Variants in MYO3A observed in about 807,000 individuals in gnomAD.
The protein encoded by MYO3A is myosin-IIIa.
MYO3A carries 180 observed loss-of-function variants against 192.7 expected under a neutral mutation model. That is an observed-to-expected ratio of 0.93 (90% CI 0.83 to 1.06). The LOEUF is 1.06. Ranked by LOEUF, MYO3A falls within the 50% of genes least tolerant of loss-of-function variation. The pLI is 0.00. For synonymous variants in MYO3A, 628 were observed against 645.3 expected, an observed-to-expected ratio of 0.97 and a Z score of 0.41; for missense variants, 1,896 against 1,905.0, an observed-to-expected ratio of 1.00 and a Z score of 0.09.
At chr10:26,084,124 C>T (rs1171596495) in intron 14 of MYO3A, among the ~76,000 whole-genome samples, 2 of 152,146 alleles carry the variant, frequency 1.3e-5, no homozygotes, top group African/African-American at 2.4e-5. Flanking sequence ...TTGAATACAG[C>T]TTCCACTTTT....
chr10:26,002,041 A>AT (rs1344407889), intron 6 of MYO3A, among the ~76,000 whole-genome samples: 15 of 152,150 alleles, frequency 9.9e-5, no homozygotes, highest in African/African-American at 3.4e-4. Context: ...GAGAGACTGA[A>AT]CCCTATCTAA....
At chr10:26,070,446 A>G in intron 14 of MYO3A, 45 bp downstream of exon 14, 2 of 1,492,828 alleles carry the variant, frequency 1.3e-6, no homozygotes, top group Non-Finnish European at 1.9e-6. Flanking sequence ...TATTTGTTGA[A>G]TTTCATAACT....
At chr10:26,081,140 C>CCCTT (rs1835918977) in intron 14 of MYO3A, among the ~76,000 whole-genome samples, 1 of 101,794 alleles carries the variant, frequency 9.8e-6, no homozygotes, top group African/African-American at 3.3e-5. Context: ...CCTTCCCCCC[C>CCCTT]CCCCCGCCCC....
chr10:26,163,373 A>G (rs771972883), intron 26 of MYO3A, among the ~76,000 whole-genome samples: 1 of 152,206 alleles, frequency 6.6e-6, no homozygotes, highest in Non-Finnish European at 1.5e-5. Context: ...TTAAAAAAAG[A>G]TAATTCAGAC....
chr10:25,991,125 A>G (rs1213375748), intron 4 of MYO3A, among the ~76,000 whole-genome samples: 1 of 152,038 alleles, frequency 6.6e-6, no homozygotes, highest in East Asian at 1.9e-4. Context: ...TTACAGTCCC[A>G]CCAACAGTGT....
chr10:26,036,912 C>T (rs76211326), intron 10 of MYO3A, among the ~76,000 whole-genome samples: 3,041 of 152,262 alleles, frequency 0.02, 93 homozygotes, highest in African/African-American at 0.068. Context: ...GAAACCTTTC[C>T]CAGAAGTTAC....
At chr10:25,991,251 C>T (rs1349848522) in intron 4 of MYO3A, among the ~76,000 whole-genome samples, 1 of 152,220 alleles carries the variant, frequency 6.6e-6, no homozygotes, top group African/African-American at 2.4e-5. Flanking sequence ...GTTTGCATTT[C>T]TCTAATGGCC....
chr10:26,074,441 A>C (rs1047741569), intron 14 of MYO3A, among the ~76,000 whole-genome samples: 1 of 151,834 alleles, frequency 6.6e-6, no homozygotes, highest in Non-Finnish European at 1.5e-5. Context: ...TGCCACACTT[A>C]TACTATACTA....
chr10:26,093,627 C>T (rs1225460118), intron 15 of MYO3A, among the ~76,000 whole-genome samples: 1 of 152,194 alleles, frequency 6.6e-6, no homozygotes, highest in Non-Finnish European at 1.5e-5. Flanking sequence ...CATCCAGTCT[C>T]ACATTGTATA....
At chr10:26,042,128 AC>A (rs1843384536) in intron 10 of MYO3A, among the ~76,000 whole-genome samples, 1 of 152,146 alleles carries the variant, frequency 6.6e-6, no homozygotes, top group Non-Finnish European at 1.5e-5. Context: ...TCAGCACTTT[AC>A]ATATGTCATG....
intron 26 of MYO3A, among the ~76,000 whole-genome samples, chr10:26,162,402 T>G (rs1277648570): frequency 1.3e-5 from 2 of 152,252 alleles, no homozygotes; most frequent in African/African-American, 4.8e-5. Flanking sequence ...TTTTTTTCTT[T>G]GAGTGTACAT....
intron 15 of MYO3A, 89 bp downstream of exon 15, chr10:26,088,494 AT>A: frequency 7.8e-7 from 1 of 1,283,454 alleles, no homozygotes; most frequent in Non-Finnish European, 1.1e-6. Flanking sequence ...ATTCAATAAA[AT>A]TTTATTTATC....
intron 2 of MYO3A, among the ~76,000 whole-genome samples, chr10:25,937,217 G>A (rs1051153974): frequency 1.2e-4 from 19 of 152,330 alleles, no homozygotes; most frequent in Non-Finnish European, 2.5e-4. Context: ...GCCAGGATGA[G>A]TTGCCCACTT....
At chr10:26,007,147 C>G (rs1469948297) in intron 6 of MYO3A, among the ~76,000 whole-genome samples, 1 of 139,646 alleles carries the variant, frequency 7.2e-6, no homozygotes, top group Non-Finnish European at 1.5e-5. Context: ...ATTATCTCAA[C>G]AGATGCAGAA....
intron 31 of MYO3A, among the ~76,000 whole-genome samples, chr10:26,180,378 C>A (rs146401135): frequency 1.3e-3 from 198 of 152,140 alleles, no homozygotes; most frequent in African/African-American, 4.6e-3. Context: ...ATGAAGAATA[C>A]GTTTCTTAAT....
In MYO3A at chr10:26,068,899, G is replaced by A. The variant is rs764976663; in HGVS notation, c.1170+15G>A. 160 of 1,456,944 alleles carry A rather than the reference G, an allele frequency of 1.1e-4. 2 individuals carry two copies. In the Admixed American group the frequency reaches 2.5e-3, roughly 23 times the overall value. The allele number at this position is 1,456,944 out of a possible 1,614,324, so 90.3% of individuals were successfully genotyped here. On this transcript the variant is annotated intron_variant, in intron 12 of 34. Coordinates refer to ENST00000642920, the MANE Select transcript of MYO3A (RefSeq NM_017433.5). ...ACTCCACAAAGGTATGTCGTATGGG[G>A]TGCATTCTGTTACTTCATACACATA...
rs564564615 is a variant in MYO3A, at chr10:26,056,222, A to G, written c.954-10753A>G. ...GAAGAACAACCTTAATGGGCTCATT[A>G]GTAGACTGGACTCAGTGGAGAAAAC... On this transcript the variant is annotated intron_variant, in intron 10 of 34. Transcript: ENST00000642920. Among the ~76,000 whole-genome samples, 6 of 152,340 alleles carry G rather than the reference A, an allele frequency of 3.9e-5. No homozygotes were observed. The East Asian group carries it at 1.2e-3, about 29-fold the overall frequency.
chr10:26,047,774 C>CAAAAAAAAAAAAA (rs1423133061), intron 10 of MYO3A, among the ~76,000 whole-genome samples: 3 of 151,150 alleles, frequency 2.0e-5, no homozygotes, highest in African/African-American at 7.4e-5. Context: ...GACTCCATCT[C>CAAAAAAAAAAAAA]AATAAAAAAA....
intron 10 of MYO3A, among the ~76,000 whole-genome samples, chr10:26,065,818 T>C (rs1834801501): frequency 6.6e-6 from 1 of 151,398 alleles, no homozygotes; most frequent in Non-Finnish European, 1.5e-5. Flanking sequence ...GCTATTATAG[T>C]ATACAAAAAG....
Sources: allele counts gnomAD v4.1 joint callset (sites outside exome capture counted in the v4.1 genomes callset), GRCh38; gene constraint gnomAD v4.1.1; transcripts MANE v1.5; gene names NCBI Gene and HGNC (gene_info 2026-07-23, HGNC 2026-07-21).